The following ARHGAP15 variants were observed in gnomAD, a reference collection of about 807,000 sequenced individuals.
The protein encoded by ARHGAP15 is rho GTPase-activating protein 15.
Under a neutral mutation model 63.7 loss-of-function variants are expected in ARHGAP15, and 51 were observed. That is an observed-to-expected ratio of 0.80 (90% CI 0.64 to 1.01). The LOEUF (loss-of-function observed/expected upper bound fraction) is 1.01, where lower values mean the gene tolerates loss of function less well. Ranked by LOEUF, ARHGAP15 falls within the 50% of genes least tolerant of loss-of-function variation. The pLI, the probability that ARHGAP15 is intolerant of heterozygous loss-of-function variation, is 0.00. For synonymous variants in ARHGAP15, 191 were observed against 193.8 expected (o/e 0.99, Z 0.12); for missense variants, 560 against 564.6 (o/e 0.99, Z 0.08).
At chr2:143,481,412 A>AG (rs1210492027) in intron 8 of ARHGAP15, among the ~76,000 whole-genome samples, 12 of 152,320 alleles carry the variant, frequency 7.9e-5, no homozygotes, top group African/African-American at 2.9e-4. Context: ...ATTTCAAAAA[A>AG]AAAATAATAA....
At chr2:143,461,423 T>C (rs1690936208) in intron 8 of ARHGAP15, among the ~76,000 whole-genome samples, 1 of 152,162 alleles carries the variant, frequency 6.6e-6, no homozygotes, top group Non-Finnish European at 1.5e-5. Flanking sequence ...AGTTGTGATG[T>C]AGAAACTCTG....
At chr2:143,488,075 T>C (rs962506131) in intron 9 of ARHGAP15, among the ~76,000 whole-genome samples, 3 of 152,194 alleles carry the variant, frequency 2.0e-5, no homozygotes, top group African/African-American at 7.2e-5. Flanking sequence ...AATAGATGAT[T>C]GTAAGAATAG....
rs781102282 is a variant in ARHGAP15 at position 143,768,063 on chromosome 2, G to A, written c.1319G>A (p.Arg440Gln). The A allele has an allele frequency of 5.8e-5, 93 of 1,613,486 alleles. 1 individual carries two copies. The highest frequency in any genetic ancestry group is 8.8e-5 in the South Asian group (8 of 91,054). Residue 440 changes from arginine to glutamine, a missense_variant, in exon 14 of 14, where the codon CGA becomes CAA. Transcript: ENST00000295095. The part of the protein sequence containing the change: ...LGIVFGPTLL[R>Q]AENETGNMAI... ...ATTGTATTTGGACCTACCCTTCTGCGAGCTGAAAATGAAACAGGAAACATG... is the reference window on the plus strand; with the variant it reads ...ATTGTATTTGGACCTACCCTTCTGCAAGCTGAAAATGAAACAGGAAACATG...
intron 9 of ARHGAP15, among the ~76,000 whole-genome samples, chr2:143,489,166 G>C (rs1692463627): frequency 6.6e-6 from 1 of 152,172 alleles, no homozygotes; most frequent in Non-Finnish European, 1.5e-5. Flanking sequence ...TTAATTCAGT[G>C]GCAGGGTCTG....
chr2:143,367,012 A>G (rs1686323555), intron 6 of ARHGAP15, among the ~76,000 whole-genome samples: 1 of 152,122 alleles, frequency 6.6e-6, no homozygotes, highest in Non-Finnish European at 1.5e-5. Flanking sequence ...AATTGGCTCT[A>G]AAAATGTTTA....
intron 6 of ARHGAP15, among the ~76,000 whole-genome samples, chr2:143,290,440 AG>A (rs1682335370): frequency 6.6e-6 from 1 of 151,996 alleles, no homozygotes; most frequent in Non-Finnish European, 1.5e-5. Context: ...AAAAAAAAAA[AG>A]GGCAGCGGCT....
chr2:143,558,520 C>T (rs1287446403), intron 11 of ARHGAP15, among the ~76,000 whole-genome samples: 1 of 152,054 alleles, frequency 6.6e-6, no homozygotes, highest in Admixed American at 6.6e-5. Context: ...CAAATGTACT[C>T]GGTGATTGTA....
At chr2:143,381,679 T>C (rs558121553) in intron 6 of ARHGAP15, among the ~76,000 whole-genome samples, 1 of 152,256 alleles carries the variant, frequency 6.6e-6, no homozygotes, top group African/African-American at 2.4e-5. Flanking sequence ...AGGCACCCTC[T>C]CACTATAGAC....
chr2:143,345,524 A>T (rs1360541670), intron 6 of ARHGAP15, among the ~76,000 whole-genome samples: 1 of 152,150 alleles, frequency 6.6e-6, no homozygotes, highest in African/African-American at 2.4e-5. Context: ...TGTCATGCTG[A>T]TAATAAACTC....
intron 6 of ARHGAP15, among the ~76,000 whole-genome samples, chr2:143,275,920 A>AC (rs1553457780): frequency 6.6e-6 from 1 of 152,206 alleles, no homozygotes; most frequent in African/African-American, 2.4e-5. Flanking sequence ...GGCTATCTGA[A>AC]CAGGTAGGGC....
intron 12 of ARHGAP15, among the ~76,000 whole-genome samples, chr2:143,628,408 C>T (rs1290294700): frequency 6.6e-6 from 1 of 152,180 alleles, no homozygotes; most frequent in Admixed American, 6.5e-5. Flanking sequence ...AATCTCCAAA[C>T]TTACATGTGC....
intron 6 of ARHGAP15, among the ~76,000 whole-genome samples, chr2:143,301,926 A>T (rs917354287): frequency 6.6e-6 from 1 of 151,834 alleles, no homozygotes; most frequent in Non-Finnish European, 1.5e-5. Context: ...CTCTTTAAGG[A>T]TTTTAAACAA....
At chr2:143,467,151 A>G (rs1574488036) in intron 8 of ARHGAP15, among the ~76,000 whole-genome samples, 1 of 151,792 alleles carries the variant, frequency 6.6e-6, no homozygotes, top group East Asian at 1.9e-4. Context: ...TGACAGAGGG[A>G]AGATTTCTAA....
intron 13 of ARHGAP15, among the ~76,000 whole-genome samples, chr2:143,760,723 A>G (rs976906256): frequency 2.0e-5 from 3 of 152,182 alleles, no homozygotes; most frequent in Non-Finnish European, 4.4e-5. Flanking sequence ...GCTATAATGT[A>G]CTAAGAATTA....
chr2:143,157,511 T>C (rs1290019326), intron 2 of ARHGAP15, among the ~76,000 whole-genome samples: 1 of 151,848 alleles, frequency 6.6e-6, no homozygotes, highest in African/African-American at 2.4e-5. Context: ...CCAGCTTTTG[T>C]TTCCGCATTC....
intron 11 of ARHGAP15, among the ~76,000 whole-genome samples, chr2:143,605,100 G>A (rs531503662): frequency 4.7e-4 from 72 of 152,182 alleles, no homozygotes; most frequent in Admixed American, 9.2e-4. Context: ...GTAGAGACGG[G>A]ATTTTACCAT....
At chr2:143,548,399 G>A (rs1469608043) in intron 10 of ARHGAP15, among the ~76,000 whole-genome samples, 6 of 150,838 alleles carry the variant, frequency 4.0e-5, no homozygotes, top group South Asian at 4.2e-4. Flanking sequence ...GTGCTCTTTC[G>A]AGGTATTTAA....
chr2:143,254,904 C>T (rs1157489883), intron 6 of ARHGAP15, among the ~76,000 whole-genome samples: 3 of 151,504 alleles, frequency 2.0e-5, no homozygotes, highest in East Asian at 3.9e-4. Flanking sequence ...CAATATAGGC[C>T]CTGTACTCCA....
intron 6 of ARHGAP15, among the ~76,000 whole-genome samples, chr2:143,392,847 A>G (rs1209397661): frequency 6.6e-6 from 1 of 152,152 alleles, no homozygotes; most frequent in Non-Finnish European, 1.5e-5. Context: ...TCTTTGGAGA[A>G]TTGTTCAGTA....
Sources: allele counts gnomAD v4.1 joint callset (sites outside exome capture counted in the v4.1 genomes callset), GRCh38; gene constraint gnomAD v4.1.1; transcripts MANE v1.5; gene names NCBI Gene and HGNC (gene_info 2026-07-23, HGNC 2026-07-21).